The following MAML3 variants were observed in gnomAD, a reference collection of about 807,000 sequenced individuals.
MAML3 encodes the protein mastermind-like protein 3.
In MAML3, 27 loss-of-function variants were observed where a neutral mutation model predicts 101.9. That is an observed-to-expected ratio of 0.27 (90% CI 0.20 to 0.37). The LOEUF (loss-of-function observed/expected upper bound fraction) is 0.37, where lower values mean the gene tolerates loss of function less well. Among genes scored for constraint, MAML3 ranks in the 10% least tolerant of loss-of-function variants. The probability of loss-of-function intolerance (pLI) is 1.00; values close to 1 mark genes in which losing one functional copy is unlikely to be tolerated. For synonymous variants in MAML3, 501 were observed against 555.9 expected (o/e 0.90, Z 1.39); for missense variants, 1,316 against 1,444.9 (o/e 0.91, Z 1.45).
intron 1 of MAML3, among the ~76,000 whole-genome samples, chr4:140,075,023 T>C (rs1375674549): frequency 2.0e-5 from 3 of 152,160 alleles, no homozygotes; most frequent in Non-Finnish European, 2.9e-5. Flanking sequence ...ACACTTCTGG[T>C]CCCAAGCATT....
chr4:140,153,219 G>T lies in MAML3; in HGVS notation c.109C>A (p.Pro37Thr). The T allele has an allele frequency of 6.4e-7, 1 of 1,570,122 alleles. No homozygotes were observed. The highest frequency in any genetic ancestry group is 8.6e-7 in the Non-Finnish European group (1 of 1,156,780). Residue 37 changes from proline (P) to threonine (T), a missense_variant, in exon 1 of 5, where the codon CCC becomes ACC. Physicochemically the swap from Pro to Thr is conservative, Grantham distance 38. Coordinates refer to ENST00000509479, the MANE Select transcript of MAML3 (RefSeq NM_018717.5). Reference protein sequence around the residue: ...GGAGIGVNNTPNSTPAAPSSN... With the variant: ...GGAGIGVNNTTNSTPAAPSSN... ...CTCGGAGCAGCGGGAGTACTATTGG[G>T]AGTATTATTCACACCGATCCCGGCC...
intron 1 of MAML3, among the ~76,000 whole-genome samples, chr4:140,149,452 G>A (rs1272615886): frequency 6.6e-6 from 1 of 152,092 alleles, no homozygotes; most frequent in African/African-American, 2.4e-5. Flanking sequence ...CTATTTTTTT[G>A]TTGTTGTTTT....
chr4:140,125,126 A>C (rs1728664387), intron 1 of MAML3, among the ~76,000 whole-genome samples: 1 of 152,222 alleles, frequency 6.6e-6, no homozygotes, highest in African/African-American at 2.4e-5. Context: ...CAATTCATGT[A>C]TGTTCTATTA....
At chr4:140,151,732 C>G (rs572245924) in intron 1 of MAML3, among the ~76,000 whole-genome samples, 65 of 152,152 alleles carry the variant, frequency 4.3e-4, no homozygotes, top group Non-Finnish European at 7.6e-4. Context: ...TCCGGCCTCC[C>G]CTCACCCAGA....
Position 139,889,819 on chromosome 4 carries a change from G to C in MAML3, c.1617C>G (p.Ser539Arg), listed in dbSNP as rs1732426957. ...GAAFTAEKPN[S>R]PMMYPQAFNN... ...TAAAGGCTTGGGGGTACATCATTGG[G>C]CTATTTGGTTTTTCTGCAGTAAAAG... is the stretch of plus-strand genomic sequence containing the variant. The change falls in exon 2 of 5, where the codon AGC becomes AGG. Residue 539 changes from serine to arginine, a missense_variant. Ser to Arg is a moderately radical substitution (Grantham distance 110, BLOSUM62 -1). Coordinates refer to ENST00000509479, the MANE Select transcript of MAML3 (RefSeq NM_018717.5). The C allele has an allele frequency of 6.2e-7, 1 of 1,613,796 alleles. No homozygotes were observed. The highest frequency in any genetic ancestry group is 1.3e-5 in the African/African-American group (1 of 74,856).
intron 1 of MAML3, among the ~76,000 whole-genome samples, chr4:140,050,823 C>T (rs1264182860): frequency 6.6e-6 from 1 of 152,120 alleles, no homozygotes; most frequent in Non-Finnish European, 1.5e-5. Context: ...AGAATCGCTA[C>T]CTTGAAATTA....
chr4:140,058,758 T>C (rs1427503801), intron 1 of MAML3, among the ~76,000 whole-genome samples: 1 of 152,200 alleles, frequency 6.6e-6, no homozygotes, highest in Non-Finnish European at 1.5e-5. Context: ...ATTTAATTTG[T>C]TTTATAATTT....
At chr4:140,042,983 A>C (rs1727112522) in intron 1 of MAML3, among the ~76,000 whole-genome samples, 1 of 152,176 alleles carries the variant, frequency 6.6e-6, no homozygotes. Flanking sequence ...CTCAGTGACC[A>C]TGCTGCCCAA....
chr4:140,007,568 G>C (rs918947473), intron 1 of MAML3, among the ~76,000 whole-genome samples: 2 of 152,218 alleles, frequency 1.3e-5, no homozygotes, highest in African/African-American at 4.8e-5. Flanking sequence ...GCAAAAAAAG[G>C]TTTCTGTATC....
intron 1 of MAML3, among the ~76,000 whole-genome samples, chr4:140,027,838 A>G (rs2110886863): frequency 6.6e-6 from 1 of 152,370 alleles, no homozygotes; most frequent in East Asian, 1.9e-4. Flanking sequence ...GTATTTAGAT[A>G]TAATAATATA....
chr4:140,038,344 T>A (rs1273391175), intron 1 of MAML3, among the ~76,000 whole-genome samples: 1 of 152,200 alleles, frequency 6.6e-6, no homozygotes, highest in Non-Finnish European at 1.5e-5. Context: ...GTGCACCTCT[T>A]GTGGCTCCAA....
chr4:139,837,200 CA>C (rs1731270039), intron 2 of MAML3, among the ~76,000 whole-genome samples: 1 of 151,134 alleles, frequency 6.6e-6, no homozygotes, highest in Non-Finnish European at 1.5e-5. Flanking sequence ...CCATCCCTAT[CA>C]AAATCACTTT....
intron 1 of MAML3, among the ~76,000 whole-genome samples, chr4:140,018,303 T>C (rs1560868022): frequency 6.6e-6 from 1 of 152,038 alleles, no homozygotes; most frequent in Non-Finnish European, 1.5e-5. Context: ...AAGTGGAAAA[T>C]GAATGTGCAA....
At chr4:140,121,264 C>T (rs778565854) in intron 1 of MAML3, among the ~76,000 whole-genome samples, 2 of 152,166 alleles carry the variant, frequency 1.3e-5, no homozygotes, top group African/African-American at 2.4e-5. Flanking sequence ...TGGCACTTAC[C>T]ATGGCCAAGG....
chr4:139,976,579 T>C (rs1734342333), intron 1 of MAML3, among the ~76,000 whole-genome samples: 1 of 152,218 alleles, frequency 6.6e-6, no homozygotes, highest in African/African-American at 2.4e-5. Context: ...AGGTGGATGA[T>C]CTTATTTCCT....
At chr4:139,763,172 T>C (rs1014884818) in intron 2 of MAML3, among the ~76,000 whole-genome samples, 2 of 152,340 alleles carry the variant, frequency 1.3e-5, no homozygotes, top group African/African-American at 4.8e-5. Flanking sequence ...TGCATCCTTG[T>C]GGACAAGAAC....
intron 1 of MAML3, among the ~76,000 whole-genome samples, chr4:139,912,385 G>A (rs528406100): frequency 5.1e-4 from 77 of 152,322 alleles, no homozygotes; most frequent in South Asian, 4.2e-4. Flanking sequence ...TAAAGGTTGA[G>A]GAGAGAAGTA....
At chr4:139,920,792 C>T (rs1373280878) in intron 1 of MAML3, among the ~76,000 whole-genome samples, 1 of 152,174 alleles carries the variant, frequency 6.6e-6, no homozygotes, top group Non-Finnish European at 1.5e-5. Context: ...GCACTGGAGT[C>T]CGCAGGATGA....
chr4:139,905,008 C>A (rs989028870), intron 1 of MAML3, among the ~76,000 whole-genome samples: 1 of 152,192 alleles, frequency 6.6e-6, no homozygotes, highest in African/African-American at 2.4e-5. Flanking sequence ...TTATGTAGCA[C>A]CTGACTGTGG....
Sources: allele counts gnomAD v4.1 joint callset (sites outside exome capture counted in the v4.1 genomes callset), GRCh38; gene constraint gnomAD v4.1.1; transcripts MANE v1.5; gene names NCBI Gene and HGNC (gene_info 2026-07-23, HGNC 2026-07-21).